The following MACROD2 variants were observed in gnomAD, a reference collection of about 807,000 sequenced individuals.
MACROD2 encodes the protein ADP-ribose glycohydrolase MACROD2.
Under a neutral mutation model 70.4 loss-of-function variants are expected in MACROD2, and 36 were observed. The observed-to-expected ratio is 0.51, with a 90% confidence interval of 0.39 to 0.68. MACROD2 has a LOEUF of 0.68. MACROD2 is among the 30% of genes least tolerant of loss of function. The pLI is 0.00. For synonymous variants in MACROD2, 172 were observed against 178.8 expected (o/e 0.96, Z 0.30); for missense variants, 496 against 538.4 (o/e 0.92, Z 0.78).
chr20:15,191,929 T>TAGAGACAG (rs71950480), intron 5 of MACROD2, among the ~76,000 whole-genome samples: 2 of 86,446 alleles, frequency 2.3e-5, no homozygotes, highest in Non-Finnish European at 4.7e-5. Flanking sequence ...TATATATATA[T>TAGAGACAG]ATAGAGAGAG....
At chr20:14,740,353 C>T (rs898946642) in intron 5 of MACROD2, among the ~76,000 whole-genome samples, 5 of 152,106 alleles carry the variant, frequency 3.3e-5, no homozygotes, top group Non-Finnish European at 5.9e-5. Context: ...GTCTCCAATG[C>T]TATTTCTCTA....
chr20:15,689,186 C>T (rs144825888), intron 8 of MACROD2, among the ~76,000 whole-genome samples: 1 of 152,000 alleles, frequency 6.6e-6, no homozygotes, highest in Non-Finnish European at 1.5e-5. Context: ...CACCTGTAGT[C>T]CCAGCTACTC....
At chr20:14,478,013 G>A (rs1350969365) in intron 3 of MACROD2, among the ~76,000 whole-genome samples, 1 of 152,144 alleles carries the variant, frequency 6.6e-6, no homozygotes. Context: ...TATGGTTGAA[G>A]GGTAGGTACC....
chr20:14,570,807 AT>A, intron 4 of MACROD2, among the ~76,000 whole-genome samples: 1 of 152,150 alleles, frequency 6.6e-6, no homozygotes, highest in Middle Eastern at 3.4e-3. Flanking sequence ...AGGAATCTTT[AT>A]TTTAAAAACA....
At chr20:14,590,285 G>A (rs949484608) in intron 4 of MACROD2, among the ~76,000 whole-genome samples, 1 of 152,110 alleles carries the variant, frequency 6.6e-6, no homozygotes, top group African/African-American at 2.4e-5. Flanking sequence ...CTAGTTAGAG[G>A]AAAGAGATCA....
chr20:14,022,525 A>G (rs889443591), intron 2 of MACROD2, among the ~76,000 whole-genome samples: 4 of 149,878 alleles, frequency 2.7e-5, no homozygotes, highest in Non-Finnish European at 4.4e-5. Flanking sequence ...TACATGTGCC[A>G]TGGTTTGCTG....
chr20:14,686,073 A>T (rs572025490), intron 5 of MACROD2, among the ~76,000 whole-genome samples: 15 of 152,132 alleles, frequency 9.9e-5, no homozygotes, highest in Admixed American at 9.8e-4. Context: ...TATATTGTTC[A>T]TAATGGTTTC....
intron 3 of MACROD2, among the ~76,000 whole-genome samples, chr20:14,478,927 C>T (rs6079459): frequency 0.13 from 19,892 of 151,726 alleles, 1,525 homozygotes; most frequent in East Asian, 0.31. Flanking sequence ...ACACATTTTT[C>T]TAGGCTAGGC....
intron 3 of MACROD2, among the ~76,000 whole-genome samples, chr20:14,361,470 TA>T (rs1263838053): frequency 2.6e-5 from 4 of 152,184 alleles, no homozygotes; most frequent in Admixed American, 2.6e-4. Flanking sequence ...GCTGGATACA[TA>T]ATAGATGACC....
intron 12 of MACROD2, among the ~76,000 whole-genome samples, chr20:15,949,536 C>G (rs2065876510): frequency 6.6e-6 from 1 of 152,116 alleles, no homozygotes; most frequent in South Asian, 2.1e-4. Flanking sequence ...TGAAAAGCAA[C>G]CAGAGTAAAC....
intron 3 of MACROD2, among the ~76,000 whole-genome samples, chr20:14,138,694 G>T (rs530424056): frequency 6.6e-6 from 1 of 151,836 alleles, no homozygotes; most frequent in East Asian, 1.9e-4. Flanking sequence ...GAGACCTAAT[G>T]TATTGTATGG....
intron 5 of MACROD2, among the ~76,000 whole-genome samples, chr20:15,166,184 T>TA (rs962690759): frequency 2.0e-4 from 30 of 152,286 alleles, no homozygotes; most frequent in African/African-American, 6.7e-4. Context: ...GTAAATTTCC[T>TA]AAAAAATCAC....
chr20:14,997,807 G>A (rs1335184112), intron 5 of MACROD2, among the ~76,000 whole-genome samples: 7 of 152,152 alleles, frequency 4.6e-5, no homozygotes, highest in African/African-American at 1.7e-4. Flanking sequence ...GTACTGTGCT[G>A]GCCTCGGGTC....
intron 3 of MACROD2, among the ~76,000 whole-genome samples, chr20:14,224,759 T>A (rs2081716518): frequency 6.6e-6 from 1 of 152,246 alleles, no homozygotes; most frequent in Admixed American, 6.5e-5. Flanking sequence ...ATTTTTTAAA[T>A]AATTGAATGC....
chr20:15,728,869 G>C (rs532797599), intron 8 of MACROD2, among the ~76,000 whole-genome samples: 39 of 151,638 alleles, frequency 2.6e-4, no homozygotes, highest in Non-Finnish European at 5.6e-4. Context: ...ATGTTTTTTT[G>C]TATCTTGGTT....
chr20:15,192,807 T>C (rs1050429683), intron 5 of MACROD2, among the ~76,000 whole-genome samples: 6 of 152,220 alleles, frequency 3.9e-5, no homozygotes, highest in African/African-American at 1.4e-4. Context: ...AGGAGAGAAC[T>C]ATAGTCAGCT....
At chr20:14,531,802 T>C (rs2085307671) in intron 4 of MACROD2, among the ~76,000 whole-genome samples, 1 of 152,128 alleles carries the variant, frequency 6.6e-6, no homozygotes, top group African/African-American at 2.4e-5. Flanking sequence ...ACAGAGCCAC[T>C]AGCCCACAAG....
intron 10 of MACROD2, among the ~76,000 whole-genome samples, chr20:15,909,404 A>G (rs1183028750): frequency 2.0e-5 from 3 of 152,166 alleles, no homozygotes; most frequent in African/African-American, 4.8e-5. Flanking sequence ...GAGAATGTCA[A>G]TGTCACATTG....
chr20:14,632,457 A>C (rs1984567987), intron 4 of MACROD2, among the ~76,000 whole-genome samples: 1 of 152,192 alleles, frequency 6.6e-6, no homozygotes, highest in Admixed American at 6.5e-5. Flanking sequence ...TGCAGCAAAC[A>C]TAATATTTAG....
Sources: gnomAD v4.1 joint callset for allele counts (sites outside exome capture counted in the v4.1 genomes callset) on GRCh38, gnomAD v4.1.1 for gene constraint, MANE v1.5 for transcripts, NCBI Gene and HGNC (gene_info 2026-07-23, HGNC 2026-07-21) for gene names.